The following ABLIM3 variants were observed in gnomAD, a reference collection of about 807,000 sequenced individuals.
The protein encoded by ABLIM3 is actin binding LIM protein family member 3.
In ABLIM3, 61 loss-of-function variants were observed where a neutral mutation model predicts 109.5. The ratio of observed to expected loss-of-function variants is 0.56; its 90% CI spans 0.45 to 0.69. ABLIM3 has a LOEUF of 0.69. Ranked by LOEUF, ABLIM3 falls within the 30% of genes least tolerant of loss-of-function variation. The pLI, the probability that ABLIM3 is intolerant of heterozygous loss-of-function variation, is 0.00. For missense variants in ABLIM3, 796 were observed against 889.5 expected, an observed-to-expected ratio of 0.89 and a Z score of 1.34; for synonymous variants, 300 against 324.8, an observed-to-expected ratio of 0.92 and a Z score of 0.82.
chr5:149,167,487 A>G (rs1014906266), intron 2 of ABLIM3, among the ~76,000 whole-genome samples: 2 of 152,170 alleles, frequency 1.3e-5, no homozygotes, highest in Admixed American at 1.3e-4. Context: ...TGCTTTTCTT[A>G]CCCTACAAGA....
At position 149,259,829 on chromosome 5, in the gene ABLIM3, C is replaced by T. The variant is rs1027015820; in HGVS notation, c.*1425C>T. The T allele has an allele frequency of 6.0e-5, 33 of 550,242 alleles. No homozygotes were observed. The highest frequency in any genetic ancestry group is 4.9e-4 in the African/African-American group (26 of 52,790). The allele number at this position is 550,242 out of a possible 1,614,324, so 34.1% of individuals were successfully genotyped here. A position where few individuals can be genotyped will look rare whatever the true frequency, so the allele number is the denominator to read the frequency against. ...ACAATAATGACTCTCAAGAGGCTGG[C>T]GATGTGACATGGCAAATGTAGAACT... On this transcript the variant is annotated 3_prime_UTR_variant, in exon 24 of 24. Coordinates refer to ENST00000309868, the MANE Select transcript of ABLIM3 (RefSeq NM_014945.5).
intron 7 of ABLIM3, among the ~76,000 whole-genome samples, chr5:149,211,641 C>G (rs1485656684): frequency 6.6e-6 from 1 of 151,996 alleles, no homozygotes; most frequent in Non-Finnish European, 1.5e-5. Flanking sequence ...TCAGCAGAAT[C>G]ATTAATTCTG....
At chr5:149,217,070 A>G (rs1760169663) in intron 8 of ABLIM3, 24 bp downstream of exon 8, 1 of 1,603,140 alleles carries the variant, frequency 6.2e-7, no homozygotes. Context: ...ACCCTCTGTA[A>G]GGCCTTCCGA....
chr5:149,258,477 A>G lies in ABLIM3; in HGVS notation c.*73A>G. 6.7e-7 allele frequency: 1 copy of G among 1,502,624 alleles called. No individual in the cohort carries two copies. Among genetic ancestry groups the G allele is most frequent in the Non-Finnish European group, 8.8e-7 (1 of 1,132,056 alleles). The allele number at this position is 1,502,624 out of a possible 1,614,324, so 93.1% of individuals were successfully genotyped here. On this transcript the variant is annotated 3_prime_UTR_variant, in exon 24 of 24. Coordinates refer to ENST00000309868, the MANE Select transcript of ABLIM3 (RefSeq NM_014945.5). ...AATCTCTCTACTGAAGCTCGGTATA[A>G]TCCTCTCTTGTGTAATGGGACACAC...
chr5:149,196,014 G>T (rs374566580), intron 3 of ABLIM3, among the ~76,000 whole-genome samples: 10 of 152,186 alleles, frequency 6.6e-5, no homozygotes, highest in Admixed American at 6.5e-5. Context: ...TTCATTCTGC[G>T]TACAAGTGAA....
intron 3 of ABLIM3, among the ~76,000 whole-genome samples, chr5:149,190,727 A>G (rs551195470): frequency 9.2e-5 from 14 of 152,272 alleles, no homozygotes; most frequent in Admixed American, 8.5e-4. Flanking sequence ...GCAAAGTAAA[A>G]ACATGTTTAA....
chr5:149,162,098 G>C (rs985351048), intron 2 of ABLIM3, among the ~76,000 whole-genome samples: 48 of 152,218 alleles, frequency 3.2e-4, no homozygotes, highest in African/African-American at 1.2e-3. Flanking sequence ...CAATGAATGA[G>C]AAAGCCTTTG....
intron 3 of ABLIM3, among the ~76,000 whole-genome samples, chr5:149,188,575 G>A (rs1486435615): frequency 1.3e-5 from 2 of 152,222 alleles, no homozygotes; most frequent in South Asian, 2.1e-4. Context: ...GCTTGCAGAT[G>A]GCCGCCATCT....
At chr5:149,178,140 A>G (rs949904564) in intron 2 of ABLIM3, among the ~76,000 whole-genome samples, 2 of 152,014 alleles carry the variant, frequency 1.3e-5, no homozygotes, top group African/African-American at 4.8e-5. Context: ...TCTGAAATCA[A>G]ACCGGAGGCC....
At chr5:149,239,166 A>C in intron 11 of ABLIM3, 82 bp from the exon 12 acceptor site, 4 of 1,413,192 alleles carry the variant, frequency 2.8e-6, no homozygotes, top group East Asian at 2.3e-5. Flanking sequence ...CGAGCCATCT[A>C]ACCATGCTCT....
intron 2 of ABLIM3, among the ~76,000 whole-genome samples, chr5:149,179,216 A>C (rs1756243656): frequency 6.6e-6 from 1 of 152,036 alleles, no homozygotes; most frequent in Admixed American, 6.6e-5. Context: ...TTTTCATAGA[A>C]CTCTAAAGAT....
Position 149,234,257 on chromosome 5 carries a change from G to T in ABLIM3, c.888+957G>T, listed in dbSNP as rs147353064. ...GATAAACAGAAATAAGCTAAAGGAGGTGGGAAACGCAGAGCCAGGGAGAGC... is the reference window on the plus strand; with the variant it reads ...GATAAACAGAAATAAGCTAAAGGAGTTGGGAAACGCAGAGCCAGGGAGAGC... On this transcript the variant is annotated intron_variant, in intron 10 of 23. Coordinates refer to ENST00000309868, the MANE Select transcript of ABLIM3 (RefSeq NM_014945.5). Among the ~76,000 whole-genome samples the T allele has an allele frequency of 2.0e-5, 3 of 152,284 alleles. No homozygotes were observed. The East Asian group carries it at 5.8e-4, about 29-fold the overall frequency.
chr5:149,189,540 G>C (rs947822025), intron 3 of ABLIM3, among the ~76,000 whole-genome samples: 9 of 152,102 alleles, frequency 5.9e-5, no homozygotes, highest in Non-Finnish European at 1.2e-4. Flanking sequence ...TTCAAAATGG[G>C]CAAAGGATAT....
rs34095459 is a variant in ABLIM3, at chr5:149,145,792, C to CTTT, written c.13+3693_13+3695dup. 1.7e-3 allele frequency among the ~76,000 whole-genome samples: 258 copies of CTTT among 147,722 alleles called. 1 individual carries two copies. The highest frequency in any genetic ancestry group is 2.9e-3 in the Non-Finnish European group (192 of 66,898). Reference sequence around the variant, plus strand: ...TCATATTTATTCGCCACGTGTATGTCTTTTTTTTTTTGAGATAAGGTCTGG... The same window carrying CTTT: ...TCATATTTATTCGCCACGTGTATGTCTTTTTTTTTTTTTTGAGATAAGGTCTGG... On this transcript the variant is annotated intron_variant, in intron 2 of 23. Transcript: ENST00000309868.
intron 18 of ABLIM3, among the ~76,000 whole-genome samples, 188 bp from the exon 19 acceptor site, chr5:149,249,627 G>C (rs752706843): frequency 2.0e-5 from 3 of 152,200 alleles, no homozygotes; most frequent in Admixed American, 6.5e-5. Flanking sequence ...AGCTGGACAG[G>C]GAAGGGAGAT....
chr5:149,171,286 T>C (rs1755394371), intron 2 of ABLIM3, among the ~76,000 whole-genome samples: 1 of 152,232 alleles, frequency 6.6e-6, no homozygotes, highest in Non-Finnish European at 1.5e-5. Flanking sequence ...TCTCATTTTA[T>C]TAGTAGTATT....
intron 2 of ABLIM3, among the ~76,000 whole-genome samples, chr5:149,153,746 G>A (rs576682943): frequency 1.7e-4 from 26 of 152,336 alleles, no homozygotes; most frequent in African/African-American, 6.0e-4. Context: ...CTGCCTGAGA[G>A]TATGGATGGT....
In ABLIM3 at chr5:149,250,303, G is replaced by A. The variant is rs535936811; in HGVS notation, c.1730-144G>A. On this transcript the variant is annotated intron_variant, in intron 19 of 23. Transcript: ENST00000309868. ...GATGGTCAAGTTGCAAATCTGGAGA[G>A]CATCAGGAAGAGTTGGTGGCCTCTG... 36 of 733,276 alleles carry A rather than the reference G, an allele frequency of 4.9e-5. No homozygotes were observed. The African/African-American group carries it at 6.0e-4, about 12-fold the overall frequency. 45.4% of individuals were successfully genotyped at this position (733,276 alleles called of 1,614,324 possible).
chr5:149,236,377 T>G (rs752116812), intron 10 of ABLIM3, among the ~76,000 whole-genome samples: 49 of 152,110 alleles, frequency 3.2e-4, no homozygotes, highest in Admixed American at 1.8e-3. Context: ...ATTGGGAGAA[T>G]GTTATCAGAC....
Sources: allele counts gnomAD v4.1 joint callset (sites outside exome capture counted in the v4.1 genomes callset), GRCh38; gene constraint gnomAD v4.1.1; transcripts MANE v1.5; gene names NCBI Gene and HGNC (gene_info 2026-07-23, HGNC 2026-07-21).